Variants in TMEM178A observed in about 807,000 individuals in gnomAD.
TMEM178A encodes transmembrane protein 178A.
In TMEM178A, 12 loss-of-function variants were observed where a neutral mutation model predicts 29.1. The observed-to-expected ratio is 0.41, with a 90% CI of 0.26 to 0.67. TMEM178A has a LOEUF of 0.67. Among genes scored for constraint, TMEM178A ranks in the 30% least tolerant of loss-of-function variants. TMEM178A has a pLI of 0.29. For synonymous variants in TMEM178A, 210 were observed against 187.2 expected (o/e 1.12, Z -0.99); for missense variants, 366 against 419.1 (o/e 0.87, Z 1.11).
At chr2:39,698,277 C>T (rs1054561996) in intron 1 of TMEM178A, among the ~76,000 whole-genome samples, 2 of 152,158 alleles carry the variant, frequency 1.3e-5, no homozygotes, top group African/African-American at 4.8e-5. Context: ...TAGCCTCAGG[C>T]TAGTTACTTA....
At chr2:39,672,618 G>A (rs950806201) in intron 1 of TMEM178A, among the ~76,000 whole-genome samples, 3 of 152,164 alleles carry the variant, frequency 2.0e-5, no homozygotes, top group Non-Finnish European at 4.4e-5. Context: ...TTTGAATTGG[G>A]CTCAGGTTAT....
chr2:39,705,445 G>A (rs910733534), intron 2 of TMEM178A, among the ~76,000 whole-genome samples: 1 of 152,144 alleles, frequency 6.6e-6, no homozygotes, highest in Admixed American at 6.5e-5. Context: ...TAAGATAATG[G>A]TGACTGAACC....
chr2:39,706,925 G>A, intron 2 of TMEM178A, 124 bp from the exon 3 acceptor site: 1 of 1,137,928 alleles, frequency 8.8e-7, no homozygotes, highest in Non-Finnish European at 1.2e-6. Context: ...TCCTTGTCCT[G>A]TGGGCTCTAA....
At chr2:39,722,011 AAAAAAT>A (rs1419633109), downstream of TMEM178A, among the ~76,000 whole-genome samples, 502 of 149,198 alleles carry the variant, frequency 3.4e-3, 5 homozygotes, top group African/African-American at 0.012. Context: ...AAAAAAAAAA[AAAAAAT>A]CAGTGTTGCC....
intron 3 of TMEM178A, among the ~76,000 whole-genome samples, chr2:39,715,130 G>T (rs1169043618): frequency 6.6e-6 from 1 of 152,194 alleles, no homozygotes; most frequent in Non-Finnish European, 1.5e-5. Context: ...ACTTGGACAT[G>T]AAAGGATGCT....
intron 3 of TMEM178A, among the ~76,000 whole-genome samples, chr2:39,709,767 C>G (rs1024352172): frequency 6.6e-6 from 1 of 152,234 alleles, no homozygotes; most frequent in Non-Finnish European, 1.5e-5. Flanking sequence ...CCCCATAACA[C>G]TCCCCTTGTC....
chr2:39,707,015 T>C lies in TMEM178A; in HGVS notation c.515-34T>C, dbSNP rs763998588. Reference sequence around the variant, plus strand: ...AATTCTTAATGACTTTCCTGAATTCTGATTGTGAATGTCTGTGTCTGTTTT... The same window carrying C: ...AATTCTTAATGACTTTCCTGAATTCCGATTGTGAATGTCTGTGTCTGTTTT... On this transcript the variant is annotated intron_variant, in intron 2 of 3. Transcript: ENST00000281961. 1.3e-5 allele frequency: 21 copies of C among 1,571,086 alleles called. No individual in the cohort carries two copies. The East Asian group carries it at 4.7e-4, about 35-fold the overall frequency.
At chr2:39,716,136 C>A (rs962511476) in intron 3 of TMEM178A, among the ~76,000 whole-genome samples, 1 of 152,166 alleles carries the variant, frequency 6.6e-6, no homozygotes, top group Non-Finnish European at 1.5e-5. Context: ...GATTGGGTGC[C>A]AGTTTCTGTT....
intron 2 of TMEM178A, 57 bp from the exon 3 acceptor site, chr2:39,706,992 T>C (rs781289312): frequency 1.1e-4 from 170 of 1,553,014 alleles, no homozygotes; most frequent in Non-Finnish European, 1.5e-4. Context: ...AATTCTCTAA[T>C]TCTTAATGAC....
intron 1 of TMEM178A, among the ~76,000 whole-genome samples, chr2:39,697,139 C>T (rs979061754): frequency 6.6e-6 from 1 of 152,206 alleles, no homozygotes; most frequent in African/African-American, 2.4e-5. Context: ...CTGCATGGAA[C>T]TTCCGTCACC....
At chr2:39,703,460 C>A (rs1248219123) in intron 1 of TMEM178A, among the ~76,000 whole-genome samples, 3 of 152,116 alleles carry the variant, frequency 2.0e-5, no homozygotes, top group African/African-American at 7.2e-5. Context: ...GCCATACAAC[C>A]AGATAGGGGA....
At chr2:39,726,497 C>A in the TMEM178A span, among the ~76,000 whole-genome samples, 1 of 152,144 alleles carries the variant, frequency 6.6e-6, no homozygotes, top group Non-Finnish European at 1.5e-5. Context: ...AAACCCAAGA[C>A]TTCGGGTTTC....
At chr2:39,698,346 T>G (rs1314465587) in intron 1 of TMEM178A, among the ~76,000 whole-genome samples, 1 of 152,234 alleles carries the variant, frequency 6.6e-6, no homozygotes, top group Admixed American at 6.5e-5. Context: ...CCTTTATATT[T>G]AGCTCACAGG....
the TMEM178A span, among the ~76,000 whole-genome samples, chr2:39,726,247 G>T: frequency 6.6e-6 from 1 of 152,072 alleles, no homozygotes; most frequent in East Asian, 1.9e-4. Flanking sequence ...GTGAGGGGAT[G>T]GCCAGTTTAG....
chr2:39,720,020 A>AG (rs1332346885), downstream of TMEM178A, among the ~76,000 whole-genome samples: 1 of 151,650 alleles, frequency 6.6e-6, no homozygotes, highest in Non-Finnish European at 1.5e-5. Context: ...AGAAAAATGC[A>AG]GTGAAGGACA....
At chr2:39,669,452 T>C (rs1670318845) in intron 1 of TMEM178A, among the ~76,000 whole-genome samples, 1 of 152,234 alleles carries the variant, frequency 6.6e-6, no homozygotes, top group Non-Finnish European at 1.5e-5. Context: ...AATATTAGTC[T>C]ACTTAAGAGA....
At chr2:39,696,222 A>C (rs960051734) in intron 1 of TMEM178A, among the ~76,000 whole-genome samples, 4 of 152,068 alleles carry the variant, frequency 2.6e-5, no homozygotes, top group Non-Finnish European at 5.9e-5. Flanking sequence ...TCTTGTTCTA[A>C]AGTGGCGAGA....
intron 1 of TMEM178A, among the ~76,000 whole-genome samples, chr2:39,698,361 T>C (rs762177570): frequency 6.6e-6 from 1 of 152,236 alleles, no homozygotes; most frequent in African/African-American, 2.4e-5. Flanking sequence ...CACAGGGTTG[T>C]TGATGAGTAG....
the TMEM178A span, among the ~76,000 whole-genome samples, chr2:39,726,548 T>A: frequency 6.6e-6 from 1 of 152,152 alleles, no homozygotes; most frequent in Non-Finnish European, 1.5e-5. Flanking sequence ...ATTTCAAACA[T>A]AAGAGTGATA....
Sources: allele counts gnomAD v4.1 joint callset (sites outside exome capture counted in the v4.1 genomes callset), GRCh38; gene constraint gnomAD v4.1.1; transcripts MANE v1.5; gene names NCBI Gene and HGNC (gene_info 2026-07-23, HGNC 2026-07-21).